Variants in ZNF678 observed in about 807,000 individuals in gnomAD.
ZNF678 encodes zinc finger protein 678.
In ZNF678, 5 loss-of-function variants were observed where a neutral mutation model predicts 3.0. The ratio of observed to expected loss-of-function variants is 1.69; its 90% CI spans 0.88 to 3.56. The LOEUF is 3.56. Among genes scored for constraint, ZNF678 ranks in the 30% most tolerant of loss-of-function variants. The pLI is 0.00. For synonymous variants in ZNF678, 218 were observed against 199.6 expected (o/e 1.09, Z -0.78); for missense variants, 593 against 605.0 (o/e 0.98, Z 0.21).
chr1:227,655,152 C>CTTATAT lies in ZNF678; in HGVS notation c.902_903insTTATAT (p.Ala301_Phe302insTyrIle). On this transcript the variant is annotated inframe_insertion, in exon 4 of 4. Coordinates refer to ENST00000343776, the MANE Select transcript of ZNF678 (RefSeq NM_001367909.1). ...TACAAATGTGAAGAATGTGGCAAAG[C>CTTATAT]CTTTACACAGTTTGCAAGCCTTACT... 6.2e-7 allele frequency: 1 copy of CTTATAT among 1,611,500 alleles called. No homozygotes were observed. The highest frequency in any genetic ancestry group is 1.7e-5 in the Admixed American group (1 of 59,518).
chr1:227,632,054 G>A (rs1658559793), intron 1 of ZNF678, among the ~76,000 whole-genome samples: 1 of 152,200 alleles, frequency 6.6e-6, no homozygotes. Context: ...TGGGGGAGTA[G>A]AGCACCTTAC....
chr1:227,595,355 A>T (rs1263526386), intron 1 of ZNF678, among the ~76,000 whole-genome samples: 1 of 152,044 alleles, frequency 6.6e-6, no homozygotes, highest in African/African-American at 2.4e-5. Flanking sequence ...GTAACCAAGC[A>T]TCTGTGTAAG....
Position 227,563,678 on chromosome 1 carries a change from G to C in ZNF678, c.-210G>C. Reference sequence around the variant, plus strand: ...GTTTCCCTGTGACCTGCAGGTACTGGGAGTTACATAGCTAAGATGCCAGGA... The same window carrying C: ...GTTTCCCTGTGACCTGCAGGTACTGCGAGTTACATAGCTAAGATGCCAGGA... On this transcript the variant is annotated 5_prime_UTR_variant, in exon 1 of 4. Transcript: ENST00000343776. 7.5e-7 allele frequency: 1 copy of C among 1,330,754 alleles called. No individual in the cohort carries two copies. 82.4% of individuals were successfully genotyped at this position (1,330,754 alleles called of 1,614,324 possible). A position where few individuals can be genotyped will look rare whatever the true frequency, so the allele number is the denominator to read the frequency against.
rs1292650502 is a variant in ZNF678, at chr1:227,662,228, C to T, written c.*6400C>T. ...ATTACTGTGAATCCTGAAAAACATC[C>T]TCATTGTAGAGATGAGAAAACACAG... On this transcript the variant is annotated 3_prime_UTR_variant, in exon 4 of 4. Coordinates refer to ENST00000343776, the MANE Select transcript of ZNF678 (RefSeq NM_001367909.1). The T allele has an allele frequency of 1.3e-5, 2 of 152,166 alleles. No homozygotes were observed. The highest frequency in any genetic ancestry group is 4.8e-5 in the African/African-American group (2 of 41,442). 9.4% of individuals were successfully genotyped at this position (152,166 alleles called of 1,614,324 possible).
At chr1:227,626,410 G>A (rs557163549) in intron 1 of ZNF678, among the ~76,000 whole-genome samples, 3 of 152,320 alleles carry the variant, frequency 2.0e-5, no homozygotes, top group Admixed American at 2.0e-4. Flanking sequence ...TGTATCCAGG[G>A]ATGGGGAGTT....
intron 1 of ZNF678, among the ~76,000 whole-genome samples, chr1:227,613,810 T>A (rs948480962): frequency 3.9e-5 from 6 of 152,154 alleles, no homozygotes; most frequent in African/African-American, 1.4e-4. Context: ...GTCCTGTGTG[T>A]TTACTGTGTA....
chr1:227,633,390 C>T (rs1436975012), intron 1 of ZNF678, among the ~76,000 whole-genome samples: 2 of 152,160 alleles, frequency 1.3e-5, no homozygotes, highest in Non-Finnish European at 2.9e-5. Context: ...TATTTCTTTA[C>T]CTCCAGCTTT....
chr1:227,581,148 A>G (rs1340638763), intron 1 of ZNF678, among the ~76,000 whole-genome samples: 2 of 151,968 alleles, frequency 1.3e-5, no homozygotes, highest in Non-Finnish European at 2.9e-5. Context: ...TAAAATCCTT[A>G]TATTTATTTA....
chr1:227,611,431 CT>C (rs761305366), intron 1 of ZNF678, among the ~76,000 whole-genome samples: 17 of 152,184 alleles, frequency 1.1e-4, no homozygotes, highest in Non-Finnish European at 1.9e-4. Context: ...TCACAGAGTT[CT>C]TTTCTTGGCT....
chr1:227,593,632 C>A (rs565793470), intron 1 of ZNF678, among the ~76,000 whole-genome samples: 2 of 152,184 alleles, frequency 1.3e-5, no homozygotes, highest in South Asian at 4.2e-4. Context: ...CAAGTCTCCA[C>A]AGGGTATAAC....
chr1:227,664,907 T>A (rs1453989781), downstream of ZNF678, among the ~76,000 whole-genome samples: 2 of 152,176 alleles, frequency 1.3e-5, no homozygotes, highest in Non-Finnish European at 2.9e-5. Context: ...ACAGCCTCTC[T>A]CAGTCCCCTA....
At chr1:227,607,778 T>C (rs1657913501) in intron 1 of ZNF678, among the ~76,000 whole-genome samples, 2 of 146,864 alleles carry the variant, frequency 1.4e-5, no homozygotes, top group African/African-American at 5.0e-5. Flanking sequence ...TGTATATGTA[T>C]TAATTTATAA....
At chr1:227,636,319 A>G (rs1658678628) in intron 1 of ZNF678, among the ~76,000 whole-genome samples, 1 of 152,132 alleles carries the variant, frequency 6.6e-6, no homozygotes, top group Non-Finnish European at 1.5e-5. Context: ...GTTATCATCT[A>G]TGTTAAGACA....
intron 1 of ZNF678, among the ~76,000 whole-genome samples, chr1:227,607,311 A>T (rs745908141): frequency 3.9e-5 from 6 of 152,138 alleles, no homozygotes; most frequent in Non-Finnish European, 8.8e-5. Flanking sequence ...GTCTGTTAAT[A>T]CCCTCTTTCT....
chr1:227,614,053 T>G (rs1301706204), intron 1 of ZNF678, among the ~76,000 whole-genome samples: 1 of 152,212 alleles, frequency 6.6e-6, no homozygotes, highest in Non-Finnish European at 1.5e-5. Context: ...ATGGTCTCTA[T>G]TAGAAATTCT....
downstream of ZNF678, among the ~76,000 whole-genome samples, chr1:227,664,829 C>T (rs1055133810): frequency 2.0e-5 from 3 of 151,934 alleles, no homozygotes; most frequent in Non-Finnish European, 4.4e-5. Context: ...CCCAAAGGCC[C>T]TGGTGGGCTA....
intron 1 of ZNF678, among the ~76,000 whole-genome samples, chr1:227,595,022 T>C (rs1657525448): frequency 6.6e-6 from 1 of 152,246 alleles, no homozygotes; most frequent in Admixed American, 6.5e-5. Context: ...AAAGCCTCAG[T>C]GCTTTCGGGA....
chr1:227,635,852 C>G (rs1374730334), intron 1 of ZNF678, among the ~76,000 whole-genome samples: 1 of 152,030 alleles, frequency 6.6e-6, no homozygotes, highest in African/African-American at 2.4e-5. Context: ...AGGAGTTATT[C>G]ATCTCCTTAA....
At chr1:227,611,481 A>G (rs1370552549) in intron 1 of ZNF678, among the ~76,000 whole-genome samples, 2 of 152,210 alleles carry the variant, frequency 1.3e-5, no homozygotes, top group Admixed American at 1.3e-4. Flanking sequence ...TCTTATTGAG[A>G]TAACACATTG....
Sources: gnomAD v4.1 joint callset for allele counts (sites outside exome capture counted in the v4.1 genomes callset) on GRCh38, gnomAD v4.1.1 for gene constraint, MANE v1.5 for transcripts, NCBI Gene and HGNC (gene_info 2026-07-23, HGNC 2026-07-21) for gene names.